ACSM3: variants seen among roughly 807,000 people sequenced by gnomAD.
The protein encoded by ACSM3 is acyl-coenzyme A synthetase ACSM3, mitochondrial.
In ACSM3, 61 loss-of-function variants were observed where a neutral mutation model predicts 74.1. That is an observed-to-expected ratio of 0.82 (90% CI 0.67 to 1.02). The LOEUF (loss-of-function observed/expected upper bound fraction) is 1.02. Among genes scored for constraint, ACSM3 ranks in the 50% least tolerant of loss-of-function variants. The pLI is 0.00. For synonymous variants in ACSM3, 213 were observed against 241.5 expected (o/e 0.88, Z 1.09); for missense variants, 660 against 697.0 (o/e 0.95, Z 0.60).
chr16:20,751,954 C>G (rs1250264638), intron 2 of ACSM3, among the ~76,000 whole-genome samples: 1 of 152,128 alleles, frequency 6.6e-6, no homozygotes, highest in Non-Finnish European at 1.5e-5. Flanking sequence ...GTTGTTTTCT[C>G]TCTACTAGAC....
At chr16:20,788,309 TAATAGC>T (rs1275422615) in intron 9 of ACSM3, among the ~76,000 whole-genome samples, 1 of 152,168 alleles carries the variant, frequency 6.6e-6, no homozygotes, top group African/African-American at 2.4e-5. Flanking sequence ...CTTCCTTCCT[TAATAGC>T]AATTCCCAAC....
At chr16:20,706,083 A>AGTGTGTGTGT (rs59605164) in intron 1 of ACSM3, among the ~76,000 whole-genome samples, 1 of 149,672 alleles carries the variant, frequency 6.7e-6, no homozygotes, top group South Asian at 2.1e-4. Context: ...ATCGTGGAAC[A>AGTGTGTGTGT]GTGTGTGTGT....
intron 1 of ACSM3, among the ~76,000 whole-genome samples, chr16:20,765,105 A>C (rs2080112023): frequency 6.6e-6 from 1 of 152,236 alleles, no homozygotes; most frequent in Admixed American, 6.5e-5. Flanking sequence ...AAGAGCTTGC[A>C]TTTCAGATGA....
chr16:20,709,168 C>T (rs1006262794), intron 1 of ACSM3, among the ~76,000 whole-genome samples: 6 of 152,156 alleles, frequency 3.9e-5, no homozygotes, highest in South Asian at 2.1e-4. Context: ...TGCTGAATGG[C>T]GTCAACCCAG....
intron 1 of ACSM3, among the ~76,000 whole-genome samples, chr16:20,715,106 T>A (rs1229895442): frequency 6.6e-6 from 1 of 152,144 alleles, no homozygotes; most frequent in East Asian, 1.9e-4. Flanking sequence ...TGAGAAGTAT[T>A]TAAATATGAG....
At chr16:20,785,688 A>C (rs968010263) in intron 8 of ACSM3, among the ~76,000 whole-genome samples, 1 of 152,208 alleles carries the variant, frequency 6.6e-6, no homozygotes, top group African/African-American at 2.4e-5. Context: ...AAAGTTGAAA[A>C]AACTTTTCAC....
At chr16:20,707,435 G>T (rs1310226201) in intron 1 of ACSM3, among the ~76,000 whole-genome samples, 1 of 152,158 alleles carries the variant, frequency 6.6e-6, no homozygotes, top group East Asian at 1.9e-4. Flanking sequence ...AGCCCTCCTG[G>T]GGACCTGGAG....
chr16:20,716,053 G>T (rs1443882994), intron 1 of ACSM3, among the ~76,000 whole-genome samples: 4 of 152,090 alleles, frequency 2.6e-5, no homozygotes, highest in African/African-American at 9.7e-5. Context: ...TTACCCCCCA[G>T]GGAAAGTGAA....
At position 20,786,092 on chromosome 16, in the gene ACSM3, A is replaced by T. The variant is rs1739607481; in HGVS notation, c.1158A>T (p.Gly386=). ...TTCTTAACTAGGTGCTAATCTGTGGAAATTTTAAGGGAATGAAAATTAAAC... is the reference window on the plus strand; with the variant it reads ...TTCTTAACTAGGTGCTAATCTGTGGTAATTTTAAGGGAATGAAAATTAAAC... ...YGQTETVLIC[G]NFKGMKIKPG... is the part of the protein sequence containing the mutation. Residue 386 remains glycine, a synonymous_variant, in exon 9 of 14, where the codon GGA becomes GGT. Coordinates refer to ENST00000289416, the MANE Select transcript of ACSM3 (RefSeq NM_005622.4). 1 of 1,594,052 alleles carries T rather than the reference A, an allele frequency of 6.3e-7. No individual in the cohort carries two copies. Among genetic ancestry groups the T allele is most frequent in the African/African-American group, 1.4e-5 (1 of 73,664 alleles).
At chr16:20,712,453 T>C (rs1242219133) in intron 1 of ACSM3, among the ~76,000 whole-genome samples, 5 of 152,216 alleles carry the variant, frequency 3.3e-5, no homozygotes, top group Non-Finnish European at 7.3e-5. Context: ...GTTTTCTTCA[T>C]ATGTAAAATG....
intron 1 of ACSM3, among the ~76,000 whole-genome samples, chr16:20,706,770 A>C (rs2079729397): frequency 6.6e-6 from 1 of 152,154 alleles, no homozygotes; most frequent in African/African-American, 2.4e-5. Flanking sequence ...CTTGCTCTCA[A>C]CTGAGGCCCT....
intron 1 of ACSM3, chr16:20,691,186 C>A: frequency 6.3e-7 from 1 of 1,575,754 alleles, no homozygotes; most frequent in Admixed American, 2.0e-5. Context: ...TTAGCCACTG[C>A]ATGGTGAAAC....
chr16:20,724,318 C>G (rs2079797101), intron 1 of ACSM3, among the ~76,000 whole-genome samples: 1 of 152,128 alleles, frequency 6.6e-6, no homozygotes, highest in Non-Finnish European at 1.5e-5. Context: ...AGGCCTTTGA[C>G]AAAATTCAAC....
Position 20,698,299 on chromosome 16 carries a change from T to C in ACSM3, c.-190+23477T>C, listed in dbSNP as rs2079701545. Among the ~76,000 whole-genome samples the C allele has an allele frequency of 1.3e-5, 2 of 151,902 alleles. 1 individual carries two copies. The highest frequency in any genetic ancestry group is 4.2e-4 in the South Asian group (2 of 4,752). On this transcript the variant is annotated intron_variant, in intron 1 of 3. Coordinates refer to the ACSM3 transcript ENST00000561584. Reference sequence around the variant, plus strand: ...AGATCCAATGGTGCATTTTCACTAGTTCTCTGTGGCTAACCTGCTCCCCCT... The same window carrying C: ...AGATCCAATGGTGCATTTTCACTAGCTCTCTGTGGCTAACCTGCTCCCCCT...
At chr16:20,687,386 C>A (rs374003128) in intron 1 of ACSM3, among the ~76,000 whole-genome samples, 27 of 151,882 alleles carry the variant, frequency 1.8e-4, no homozygotes, top group African/African-American at 6.1e-4. Context: ...CGAGGTGGGG[C>A]GGGATGCACA....
intron 1 of ACSM3, among the ~76,000 whole-genome samples, chr16:20,692,575 G>A (rs1190145026): frequency 6.6e-6 from 1 of 152,146 alleles, no homozygotes; most frequent in Non-Finnish European, 1.5e-5. Flanking sequence ...ACCTAAAAGG[G>A]TATGTGGCTC....
At chr16:20,740,960 G>A (rs1429149517) in intron 1 of ACSM3, among the ~76,000 whole-genome samples, 1 of 152,196 alleles carries the variant, frequency 6.6e-6, no homozygotes, top group Non-Finnish European at 1.5e-5. Flanking sequence ...GGCCCTCAAT[G>A]AGCAATCCTT....
At chr16:20,676,946 A>C (rs1045543054) in intron 1 of ACSM3, among the ~76,000 whole-genome samples, 1 of 152,206 alleles carries the variant, frequency 6.6e-6, no homozygotes, top group Non-Finnish European at 1.5e-5. Flanking sequence ...GAAAGGCAGG[A>C]CATAAAGTGT....
At chr16:20,682,210 A>G (rs765590407) in intron 1 of ACSM3, 5 of 1,583,832 alleles carry the variant, frequency 3.2e-6, no homozygotes, top group Non-Finnish European at 4.3e-6. Flanking sequence ...AAATTATCCC[A>G]CAACAACTGT....
Sources: gnomAD v4.1 joint callset for allele counts (sites outside exome capture counted in the v4.1 genomes callset) on GRCh38, gnomAD v4.1.1 for gene constraint, MANE v1.5 for transcripts, NCBI Gene and HGNC (gene_info 2026-07-23, HGNC 2026-07-21) for gene names.